Variants in PLPBP observed in about 807,000 individuals in gnomAD.
PLPBP encodes pyridoxal phosphate binding protein.
A neutral mutation model predicts 31.2 loss-of-function variants in PLPBP; 21 were observed. The observed-to-expected ratio is 0.67, with a 90% CI of 0.48 to 0.97. The LOEUF is 0.97. PLPBP is among the 50% of genes least tolerant of loss of function. PLPBP has a pLI of 0.00. For missense variants in PLPBP, 308 were observed against 354.4 expected (o/e 0.87, Z 1.05); for synonymous variants, 124 against 135.6 (o/e 0.91, Z 0.59).
chr8:37,772,414 C>T (rs1173844251), intron 4 of PLPBP, among the ~76,000 whole-genome samples: 1 of 152,206 alleles, frequency 6.6e-6, no homozygotes, highest in Non-Finnish European at 1.5e-5. Flanking sequence ...TCTTCATTGT[C>T]ATCCTGACCT....
chr8:37,770,034 A>G (rs1216023407), intron 4 of PLPBP, among the ~76,000 whole-genome samples: 1 of 152,254 alleles, frequency 6.6e-6, no homozygotes, highest in Non-Finnish European at 1.5e-5. Context: ...TGAATTGGAA[A>G]AATCAGTATT....
chr8:37,765,755 A>T lies in PLPBP; in HGVS notation c.243+9A>T. On this transcript the variant is annotated intron_variant, in intron 3 of 7. Transcript: ENST00000328195. ...AAGCATCAAATCCCAAAGTAAGTAG[A>T]TAGCTGAATTCTTTAATTTGTATCT... 6.2e-7 allele frequency: 1 copy of T among 1,608,928 alleles called. No homozygotes were observed. The highest frequency in any genetic ancestry group is 8.5e-7 in the Non-Finnish European group (1 of 1,178,824).
At position 37,765,583 on chromosome 8, in the gene PLPBP, A is replaced by C. The variant is rs79148472; in HGVS notation, c.157A>C (p.Met53Leu). ...VAVSKTKPAD[M>L]VIEAYGHGQR... The stretch of plus-strand genomic sequence containing the variant: ...GGTCAGCAAAACCAAACCTGCAGAC[A>C]TGGTGATCGAGGCCTATGGACATGG... The change falls in exon 2 of 8, where the codon ATG (methionine) becomes CTG (leucine). Residue 53 changes from methionine (M) to leucine (L), a missense_variant. Met to Leu is a conservative substitution (Grantham distance 15). This residue lies in a region of PLPBP where 120 missense variants were observed against 95.1 expected (regional missense o/e 1.26). Coordinates refer to ENST00000328195, the MANE Select transcript of PLPBP (RefSeq NM_007198.4). 1 of 1,614,118 alleles carries C rather than the reference A, an allele frequency of 6.2e-7. No individual in the cohort carries two copies.
intron 4 of PLPBP, among the ~76,000 whole-genome samples, chr8:37,770,056 C>T (rs765275952): frequency 6.6e-6 from 1 of 152,202 alleles, no homozygotes; most frequent in Non-Finnish European, 1.5e-5. Context: ...TCAAAATGTC[C>T]TTATTGCCCA....
intron 4 of PLPBP, among the ~76,000 whole-genome samples, chr8:37,768,283 CTA>C (rs1041652865): frequency 2.0e-5 from 3 of 152,038 alleles, no homozygotes; most frequent in Non-Finnish European, 4.4e-5. Context: ...CAGAAGTACA[CTA>C]TTGTAAAGTT....
chr8:37,777,150 G>T (rs1803934025), intron 7 of PLPBP, among the ~76,000 whole-genome samples: 1 of 152,174 alleles, frequency 6.6e-6, no homozygotes, highest in South Asian at 2.1e-4. Context: ...AGGTGTGCTA[G>T]ATTGGCAACG....
At position 37,778,047 on chromosome 8, in the gene PLPBP, C is replaced by T; in HGVS notation, c.771C>T (p.Thr257=). The T allele has an allele frequency of 6.2e-7, 1 of 1,613,876 alleles. No homozygotes were observed. The highest frequency in any genetic ancestry group is 8.5e-7 in the Non-Finnish European group (1 of 1,179,826). ...FGERDYSKKP[T]PDKCAADVKA... is the part of the protein sequence containing the mutation. ...AGCGGGATTACTCAAAGAAACCCACCCCGGACAAGTGCGCAGCAGACGTGA... is the reference window on the plus strand; with the variant it reads ...AGCGGGATTACTCAAAGAAACCCACTCCGGACAAGTGCGCAGCAGACGTGA... Residue 257 remains threonine (T), a synonymous_variant, in exon 8 of 8, where the codon ACC becomes ACT. Coordinates refer to ENST00000328195, the MANE Select transcript of PLPBP (RefSeq NM_007198.4).
chr8:37,762,849 G>A (rs1346177135), intron 1 of PLPBP, 91 bp downstream of exon 1: 3 of 1,467,532 alleles, frequency 2.0e-6, no homozygotes, highest in Non-Finnish European at 2.7e-6. Flanking sequence ...GACGCAGAGG[G>A]GTCTCCCAGA....
At position 37,765,717 on chromosome 8, in the gene PLPBP, G is replaced by A; in HGVS notation, c.214G>A (p.Glu72Lys). The A allele has an allele frequency of 6.2e-7, 1 of 1,613,064 alleles. No individual in the cohort carries two copies. The highest frequency in any genetic ancestry group is 8.5e-7 in the Non-Finnish European group (1 of 1,179,810). Residue 72 changes from glutamate (E) to lysine (K), a missense_variant, in exon 3 of 8, where the codon GAA becomes AAA. Physicochemically the swap from Glu to Lys is moderately conservative, Grantham distance 56. This residue lies in a region of PLPBP where 188 missense variants were observed against 259.3 expected (regional missense o/e 0.73). Transcript: ENST00000328195. ...QRTFGENYVQELLEKASNPKI... is the reference protein window; with the variant it reads ...QRTFGENYVQKLLEKASNPKI... ...TTCTGTTTTGACCTTTTAGGTTCAG[G>A]AACTGCTAGAAAAAGCATCAAATCC...
chr8:37,769,659 T>C (rs1333066926), intron 4 of PLPBP, among the ~76,000 whole-genome samples: 4 of 152,114 alleles, frequency 2.6e-5, no homozygotes. Flanking sequence ...AAAAGACTGC[T>C]AAGATCCAGT....
Position 37,766,458 on chromosome 8 carries a change from C to T in PLPBP, c.319+103C>T, listed in dbSNP as rs543481207. 49 of 1,370,584 alleles carry T rather than the reference C, an allele frequency of 3.6e-5. 1 individual carries two copies. The South Asian group carries it at 6.7e-4, about 19-fold the overall frequency. 84.9% of individuals were successfully genotyped at this position (1,370,584 alleles called of 1,614,324 possible). ...AACTTTTAGAATAGCCCCAATTCAC[C>T]ATTTGTTTTTGGAATTTCTTTAGGA... On this transcript the variant is annotated intron_variant, in intron 4 of 7. Transcript: ENST00000328195.
intron 3 of PLPBP, 62 bp downstream of exon 3, chr8:37,765,808 G>T (rs1803611762): frequency 1.3e-6 from 2 of 1,570,440 alleles, no homozygotes; most frequent in South Asian, 2.3e-5. Flanking sequence ...TTGAAAATTA[G>T]ACCCATCCTG....
At chr8:37,774,458 A>T (rs1000607277) in intron 5 of PLPBP, among the ~76,000 whole-genome samples, 2 of 152,186 alleles carry the variant, frequency 1.3e-5, no homozygotes, top group African/African-American at 4.8e-5. Context: ...TGTGGTTAGG[A>T]CTGAATATGA....
chr8:37,776,622 A>T (rs900988341), intron 7 of PLPBP, among the ~76,000 whole-genome samples: 2 of 152,078 alleles, frequency 1.3e-5, no homozygotes, highest in African/African-American at 2.4e-5. Context: ...TTATAATTTC[A>T]TAAATTATAA....
chr8:37,770,687 C>T (rs990238820), intron 4 of PLPBP, among the ~76,000 whole-genome samples: 3 of 152,176 alleles, frequency 2.0e-5, no homozygotes, highest in Non-Finnish European at 2.9e-5. Context: ...AAGCGATTCT[C>T]CTGCCTCAGC....
In PLPBP at chr8:37,765,535, G is replaced by A; in HGVS notation, c.109G>A (p.Ala37Thr). The change falls in exon 2 of 8, where the codon GCC (alanine) becomes ACC (threonine). Residue 37 changes from alanine to threonine, a missense_variant. Physicochemically the swap from Ala to Thr is moderately conservative, Grantham distance 58 (BLOSUM62 0). Coordinates refer to ENST00000328195, the MANE Select transcript of PLPBP (RefSeq NM_007198.4). ...AVARRPRDLP[A>T]IQPRLVAVSK... Reference sequence around the variant, plus strand: ...CTTTCCCTCTTGGCAGGATCTCCCAGCCATCCAGCCCCGGCTAGTGGCGGT... The same window carrying A: ...CTTTCCCTCTTGGCAGGATCTCCCAACCATCCAGCCCCGGCTAGTGGCGGT... 1 of 1,613,852 alleles carries A rather than the reference G, an allele frequency of 6.2e-7. No homozygotes were observed. Among genetic ancestry groups the A allele is most frequent in the Non-Finnish European group, 8.5e-7 (1 of 1,179,942 alleles).
intron 5 of PLPBP, among the ~76,000 whole-genome samples, chr8:37,773,998 G>T (rs1467059129): frequency 3.3e-5 from 5 of 151,910 alleles, no homozygotes; most frequent in Non-Finnish European, 7.4e-5. Context: ...ATCACCTGAG[G>T]TCAGAAATTC....
chr8:37,772,964 A>G lies in PLPBP; in HGVS notation c.454+75A>G. 1.9e-6 allele frequency: 3 copies of G among 1,564,960 alleles called. No homozygotes were observed. In the East Asian group the frequency reaches 6.7e-5, roughly 35 times the overall value. On this transcript the variant is annotated intron_variant, in intron 5 of 7. Transcript: ENST00000328195. ...AAGCTTAGGGAGAATGGGTGGGCCC[A>G]AGTGTCTGATGGATAAGGTTATAGA...
chr8:37,778,131 A>G lies in PLPBP; in HGVS notation c.*27A>G, dbSNP rs7463174. On this transcript the variant is annotated 3_prime_UTR_variant, in exon 8 of 8. Coordinates refer to ENST00000328195, the MANE Select transcript of PLPBP (RefSeq NM_007198.4). Reference sequence around the variant, plus strand: ...CCAGGGAATACTGAGAGCACTAACTATGCACTAACCTAGATTTTCATTTCG... The same window carrying G: ...CCAGGGAATACTGAGAGCACTAACTGTGCACTAACCTAGATTTTCATTTCG... 0.17 allele frequency: 280,769 copies of G among 1,607,342 alleles called. 26,152 individuals carry two copies. Among genetic ancestry groups the G allele is most frequent in the East Asian group, 0.3 (13,538 of 44,516 alleles).
Sources: allele counts gnomAD v4.1 joint callset (sites outside exome capture counted in the v4.1 genomes callset), GRCh38; gene constraint gnomAD v4.1.1; regional missense constraint gnomAD v4.1.1; transcripts MANE v1.5; gene names NCBI Gene and HGNC (gene_info 2026-07-23, HGNC 2026-07-21).